PPP1R12B: variants seen among roughly 807,000 people sequenced by gnomAD.
PPP1R12B encodes protein phosphatase 1 regulatory subunit 12B, also known as myosin phosphatase target subunit 2.
Under a neutral mutation model 126.1 loss-of-function variants are expected in PPP1R12B, and 76 were observed. The observed-to-expected ratio is 0.60, with a 90% CI of 0.50 to 0.73. The LOEUF is 0.73. Among genes scored for constraint, PPP1R12B ranks in the 30% least tolerant of loss-of-function variants. PPP1R12B has a pLI of 0.00. For missense variants in PPP1R12B, 1,052 were observed against 1,205.1 expected (o/e 0.87, Z 1.88); for synonymous variants, 356 against 434.7 (o/e 0.82, Z 2.25).
chr1:202,439,229 G>C, intron 10 of PPP1R12B: 1 of 1,407,498 alleles, frequency 7.1e-7, no homozygotes, highest in South Asian at 1.2e-5. Flanking sequence ...CCTCGTTGGA[G>C]CACCATCCAG....
chr1:202,352,451 T>C (rs980021355), intron 1 of PPP1R12B, among the ~76,000 whole-genome samples: 1 of 152,208 alleles, frequency 6.6e-6, no homozygotes, highest in African/African-American at 2.4e-5. Context: ...CAGCATGTAT[T>C]ATGTTGACTC....
chr1:202,578,973 T>C (rs1379088988), intron 23 of PPP1R12B, among the ~76,000 whole-genome samples: 14 of 152,228 alleles, frequency 9.2e-5, no homozygotes, highest in Admixed American at 9.2e-4. Flanking sequence ...GGATTCAATA[T>C]TAGCTTTGCT....
rs1681090971 is a variant in PPP1R12B, at chr1:202,508,692, C to G, written c.2490+11870C>G. ...TGGGGCTGTTTATGGTGACTGAATGCTGTATTTCTCATTTCTCGAAATGTC... is the reference window on the plus strand; with the variant it reads ...TGGGGCTGTTTATGGTGACTGAATGGTGTATTTCTCATTTCTCGAAATGTC... On this transcript the variant is annotated intron_variant, in intron 18 of 23. Coordinates refer to ENST00000608999, the MANE Select transcript of PPP1R12B (RefSeq NM_002481.4). The surrounding 1 kb of genome is among the most constrained non-coding windows in gnomAD (Gnocchi z 4.5). Among the ~76,000 whole-genome samples the G allele has an allele frequency of 6.6e-6, 1 of 152,196 alleles. No homozygotes were observed. Among genetic ancestry groups the G allele is most frequent in the Admixed American group, 6.5e-5 (1 of 15,288 alleles).
At chr1:202,561,938 A>G (rs760211508) in intron 19 of PPP1R12B, among the ~76,000 whole-genome samples, 16 of 152,218 alleles carry the variant, frequency 1.1e-4, no homozygotes, top group Non-Finnish European at 2.1e-4. Flanking sequence ...TGACTCTTCA[A>G]ACCATCCCAG....
intron 13 of PPP1R12B, among the ~76,000 whole-genome samples, chr1:202,477,735 A>T (rs1461575808): frequency 6.6e-6 from 1 of 152,198 alleles, no homozygotes; most frequent in Admixed American, 6.5e-5. Flanking sequence ...AAGGGGCAGT[A>T]TAAACTTTAG....
intron 18 of PPP1R12B, among the ~76,000 whole-genome samples, chr1:202,520,787 CAG>C (rs1558327205): frequency 2.0e-5 from 3 of 152,032 alleles, no homozygotes; most frequent in African/African-American, 7.2e-5. Context: ...CATTCAAAAA[CAG>C]AGAAATTATG....
intron 23 of PPP1R12B, among the ~76,000 whole-genome samples, chr1:202,569,822 C>T (rs1688423077): frequency 2.0e-5 from 3 of 152,216 alleles, no homozygotes; most frequent in Admixed American, 2.0e-4. Flanking sequence ...CCATGACCTG[C>T]AGTGACCATC....
intron 1 of PPP1R12B, among the ~76,000 whole-genome samples, chr1:202,374,293 T>C (rs1485513037): frequency 6.6e-6 from 1 of 152,100 alleles, no homozygotes; most frequent in Non-Finnish European, 1.5e-5. Context: ...ACATCTGTGA[T>C]TCCTTGTTTT....
chr1:202,404,808 T>A (rs765710308), intron 1 of PPP1R12B, among the ~76,000 whole-genome samples: 2 of 152,184 alleles, frequency 1.3e-5, no homozygotes, highest in Non-Finnish European at 2.9e-5. Flanking sequence ...GCCCAAATAA[T>A]GTTTATACTG....
chr1:202,536,573 A>G (rs1326829659), intron 18 of PPP1R12B, among the ~76,000 whole-genome samples: 1 of 152,184 alleles, frequency 6.6e-6, no homozygotes, highest in Non-Finnish European at 1.5e-5. Flanking sequence ...AACACTGTGC[A>G]CTTAGGCTAC....
At chr1:202,387,004 C>T (rs2148508508) in intron 1 of PPP1R12B, among the ~76,000 whole-genome samples, 1 of 152,200 alleles carries the variant, frequency 6.6e-6, no homozygotes, top group South Asian at 2.1e-4. Context: ...ATTGCTAGTC[C>T]TAACTTAGTC....
chr1:202,553,046 A>C (rs1434241019), intron 18 of PPP1R12B, among the ~76,000 whole-genome samples: 1 of 152,206 alleles, frequency 6.6e-6, no homozygotes, highest in Non-Finnish European at 1.5e-5. Flanking sequence ...CATCTGAATT[A>C]ATGGTGATCT....
chr1:202,424,164 C>T (rs930804705), intron 3 of PPP1R12B, among the ~76,000 whole-genome samples: 1 of 152,126 alleles, frequency 6.6e-6, no homozygotes, highest in Non-Finnish European at 1.5e-5. Flanking sequence ...AATGAGGGAA[C>T]ATACTCTGTT....
chr1:202,366,001 C>T (rs749108175), intron 1 of PPP1R12B, among the ~76,000 whole-genome samples: 41 of 151,324 alleles, frequency 2.7e-4, no homozygotes, highest in Non-Finnish European at 5.6e-4. Flanking sequence ...CCACTCCCGC[C>T]CCCCCACAAA....
At chr1:202,445,139 A>G in intron 12 of PPP1R12B, 9 of 1,246,762 alleles carry the variant, frequency 7.2e-6, no homozygotes, top group Non-Finnish European at 9.1e-6. Flanking sequence ...CCATTGGTTC[A>G]TCTACCTCTC....
In PPP1R12B at chr1:202,440,712, GA is replaced by G. The variant is rs112006906; in HGVS notation, c.1469del (p.Asn490ThrfsTer8). 245 of 1,612,010 alleles carry G rather than the reference GA, an allele frequency of 1.5e-4. No individual in the cohort carries two copies. In the African/African-American group the frequency reaches 2.2e-3, roughly 15 times the overall value. On this transcript the variant is annotated frameshift_variant, in exon 11 of 24. Transcript: ENST00000608999. LOFTEE classifies it high-confidence loss of function. ...ACTTGTTTTTATTTTACAGGAGAGA[GA>G]AAACAAAAGCTATATTAGTTCACTA... ...ALLDNKDKER[E>X]NKSYISSLAP...
intron 1 of PPP1R12B, among the ~76,000 whole-genome samples, chr1:202,395,868 T>C (rs1335432250): frequency 2.6e-5 from 4 of 152,374 alleles, no homozygotes; most frequent in Admixed American, 2.6e-4. Context: ...TGGTTACACC[T>C]AAGTGGATGA....
intron 18 of PPP1R12B, among the ~76,000 whole-genome samples, chr1:202,547,815 C>T (rs1278273005): frequency 2.6e-5 from 4 of 151,972 alleles, no homozygotes; most frequent in African/African-American, 9.7e-5. Context: ...TAATCAAAAC[C>T]CTTTACTTGA....
At chr1:202,525,439 G>A (rs939841816) in intron 18 of PPP1R12B, among the ~76,000 whole-genome samples, 1 of 152,028 alleles carries the variant, frequency 6.6e-6, no homozygotes, top group African/African-American at 2.4e-5. Flanking sequence ...AAATGTTGCT[G>A]ATAGGGTCAT....
Sources: gnomAD v4.1 joint callset for allele counts (sites outside exome capture counted in the v4.1 genomes callset) on GRCh38, gnomAD v4.1.1 for gene constraint, Gnocchi (gnomAD v3.1) non-coding constraint, MANE v1.5 for transcripts, NCBI Gene and HGNC (gene_info 2026-07-23, HGNC 2026-07-21) for gene names.